Variants in KLRG1 observed in about 807,000 individuals in gnomAD.
KLRG1 encodes the protein killer cell lectin like receptor G1, also known as killer cell lectin-like receptor subfamily G member 1.
Under a neutral mutation model 21.8 loss-of-function variants are expected in KLRG1, and 16 were observed. The ratio of observed to expected loss-of-function variants is 0.73; its 90% CI spans 0.50 to 1.11. The LOEUF is 1.11. KLRG1 is among the 50% of genes most tolerant of loss of function. The pLI is 0.00. For missense variants in KLRG1, 173 were observed against 218.3 expected (o/e 0.79, Z 1.31); for synonymous variants, 69 against 75.9 (o/e 0.91, Z 0.47).
the KLRG1 span, among the ~76,000 whole-genome samples, chr12:9,138,002 G>A: frequency 6.6e-6 from 1 of 151,928 alleles, no homozygotes; most frequent in Non-Finnish European, 1.5e-5. Flanking sequence ...GATTTGGTAG[G>A]CTTTAATTTA....
chr12:9,150,063 C>A, the KLRG1 span, among the ~76,000 whole-genome samples: 5 of 152,324 alleles, frequency 3.3e-5, no homozygotes, highest in Admixed American at 3.3e-4. Context: ...GCCTTCTGTG[C>A]TGTTTTTGCC....
the KLRG1 span, chr12:9,074,494 G>A: frequency 2.7e-6 from 4 of 1,457,576 alleles, no homozygotes; most frequent in Non-Finnish European, 3.7e-6. Flanking sequence ...GGATGTGTTT[G>A]TTTCTTTTTC....
intron 4 of KLRG1, 109 bp from the exon 5 acceptor site, chr12:9,009,317 G>A (rs942233866): frequency 1.8e-5 from 24 of 1,359,590 alleles, no homozygotes; most frequent in Non-Finnish European, 2.3e-5. Context: ...GGGGGAATTA[G>A]GGGCCTGAAT....
the KLRG1 span, among the ~76,000 whole-genome samples, chr12:9,172,566 A>G: frequency 6.6e-6 from 1 of 152,332 alleles, no homozygotes; most frequent in East Asian, 1.9e-4. Context: ...AAGACCCATC[A>G]TCAGTATGCT....
At chr12:9,197,121 T>C in the KLRG1 span, 200 of 1,592,466 alleles carry the variant, frequency 1.3e-4, no homozygotes, top group Middle Eastern at 1.7e-4. Flanking sequence ...CCCATAAGTG[T>C]ATCTGGTACA....
chr12:9,002,569 T>TTTGTTG lies in KLRG1; in HGVS notation c.358-6385_358-6380dup, dbSNP rs142307481. 2.7e-4 allele frequency among the ~76,000 whole-genome samples: 41 copies of TTTGTTG among 151,098 alleles called. 1 individual carries two copies. In the East Asian group the frequency reaches 4.1e-3, roughly 15 times the overall value. On this transcript the variant is annotated intron_variant, in intron 3 of 4. Coordinates refer to ENST00000356986, the MANE Select transcript of KLRG1 (RefSeq NM_005810.4). The stretch of plus-strand genomic sequence containing the variant: ...CTCAGTTACCACCTTTACCTATACT[T>TTTGTTG]TTGTTGTTGTTGTTGTTGTTGTTGT...
the KLRG1 span, among the ~76,000 whole-genome samples, chr12:9,118,874 C>A: frequency 6.6e-6 from 1 of 152,040 alleles, no homozygotes; most frequent in African/African-American, 2.4e-5. Context: ...AAGCTGATGC[C>A]ATGGAAATGG....
At chr12:9,092,892 G>A in the KLRG1 span, among the ~76,000 whole-genome samples, 60 of 152,310 alleles carry the variant, frequency 3.9e-4, no homozygotes, top group African/African-American at 1.4e-3. Context: ...TAAATAAATT[G>A]TGGCTATGCG....
chr12:9,151,617 A>C, the KLRG1 span: 1 of 1,613,862 alleles, frequency 6.2e-7, no homozygotes, highest in South Asian at 1.1e-5. Flanking sequence ...TTCCACATAA[A>C]TGAGGACATG....
the KLRG1 span, among the ~76,000 whole-genome samples, chr12:9,118,894 C>T: frequency 2.6e-4 from 40 of 152,098 alleles, no homozygotes; most frequent in African/African-American, 9.4e-4. Context: ...GATGATAATA[C>T]CCACGTAGAA....
the KLRG1 span, chr12:9,128,177 C>T: frequency 4.9e-6 from 1 of 202,562 alleles, no homozygotes. Context: ...TGCGGGTGGC[C>T]AGGTCAGTGT....
At chr12:8,958,604 C>T (rs1381024924) in intron 1 of KLRG1, among the ~76,000 whole-genome samples, 1 of 150,574 alleles carries the variant, frequency 6.6e-6, no homozygotes, top group Non-Finnish European at 1.5e-5. Flanking sequence ...CGTGTGTAAT[C>T]TCAGCACTTT....
the KLRG1 span, chr12:9,165,501 A>C: frequency 3.1e-6 from 3 of 966,748 alleles, no homozygotes; most frequent in Non-Finnish European, 4.6e-6. Flanking sequence ...CATTCGTGTG[A>C]ACACTAGATT....
At chr12:9,100,119 T>C in the KLRG1 span, among the ~76,000 whole-genome samples, 1 of 152,214 alleles carries the variant, frequency 6.6e-6, no homozygotes, top group African/African-American at 2.4e-5. Context: ...CAAAGGTTTA[T>C]ATTATGACAT....
At chr12:9,095,899 A>G in the KLRG1 span, among the ~76,000 whole-genome samples, 1 of 151,348 alleles carries the variant, frequency 6.6e-6, no homozygotes, top group East Asian at 1.9e-4. Context: ...AGCTGGGACT[A>G]CAGGCGCCCG....
chr12:9,051,950 C>G, the KLRG1 span, among the ~76,000 whole-genome samples: 1 of 152,188 alleles, frequency 6.6e-6, no homozygotes, highest in Non-Finnish European at 1.5e-5. Flanking sequence ...TCCTTCGTTT[C>G]CCACCAAATA....
the KLRG1 span, among the ~76,000 whole-genome samples, chr12:9,078,392 AG>A: frequency 6.6e-6 from 1 of 152,192 alleles, no homozygotes; most frequent in Non-Finnish European, 1.5e-5. Context: ...ATTGCTGCAT[AG>A]TATTCCATGA....
intron 1 of KLRG1, among the ~76,000 whole-genome samples, chr12:8,970,132 C>G (rs907655979): frequency 6.6e-6 from 1 of 152,140 alleles, no homozygotes; most frequent in African/African-American, 2.4e-5. Context: ...CAAAACAAAA[C>G]AAAGCAAAAC....
chr12:8,988,026 G>C (rs1946873273), upstream of KLRG1, among the ~76,000 whole-genome samples: 1 of 152,164 alleles, frequency 6.6e-6, no homozygotes, highest in Non-Finnish European at 1.5e-5. Context: ...TTTCTGTTCA[G>C]CTCTTGGCCC....
Sources: gnomAD v4.1 joint callset for allele counts (sites outside exome capture counted in the v4.1 genomes callset) on GRCh38, gnomAD v4.1.1 for gene constraint, MANE v1.5 for transcripts, NCBI Gene and HGNC (gene_info 2026-07-23, HGNC 2026-07-21) for gene names.